CNTNAP2: variants seen among roughly 807,000 people sequenced by gnomAD.
The protein encoded by CNTNAP2 is contactin associated protein 2, also known as contactin-associated protein-like 2.
A neutral mutation model predicts 155.2 loss-of-function variants in CNTNAP2; 98 were observed. The ratio of observed to expected loss-of-function variants is 0.63; its 90% CI spans 0.54 to 0.75. The LOEUF is 0.75. Among genes scored for constraint, CNTNAP2 ranks in the 30% least tolerant of loss-of-function variants. CNTNAP2 has a pLI of 0.00. For missense variants in CNTNAP2, 1,727 were observed against 1,688.1 expected, an observed-to-expected ratio of 1.02 and a Z score of -0.40; for synonymous variants, 651 against 631.2, an observed-to-expected ratio of 1.03 and a Z score of -0.47.
intron 12 of CNTNAP2, among the ~76,000 whole-genome samples, chr7:147,614,427 T>G (rs1801244299): frequency 6.6e-6 from 1 of 152,114 alleles, no homozygotes; most frequent in Non-Finnish European, 1.5e-5. Context: ...GAGATTTTGT[T>G]TTATTACATC....
At chr7:146,210,019 A>G (rs1390510624) in intron 1 of CNTNAP2, among the ~76,000 whole-genome samples, 1 of 152,120 alleles carries the variant, frequency 6.6e-6, no homozygotes, top group Non-Finnish European at 1.5e-5. Flanking sequence ...TCTCAAATAT[A>G]CCATTCCCAC....
chr7:148,180,821 C>T (rs555869859), intron 18 of CNTNAP2, among the ~76,000 whole-genome samples: 1 of 152,152 alleles, frequency 6.6e-6, no homozygotes, highest in Non-Finnish European at 1.5e-5. Flanking sequence ...GCCCCTACAC[C>T]TAGAAATCTG....
intron 17 of CNTNAP2, among the ~76,000 whole-genome samples, chr7:148,151,089 T>C (rs1263600874): frequency 6.6e-6 from 1 of 152,152 alleles, no homozygotes; most frequent in African/African-American, 2.4e-5. Context: ...TGCCAAGTGG[T>C]CAGTCTTCTC....
intron 13 of CNTNAP2, among the ~76,000 whole-genome samples, chr7:147,848,087 G>GAGGC (rs1237661337): frequency 7.9e-5 from 10 of 126,292 alleles, no homozygotes; most frequent in Non-Finnish European, 1.0e-4. Context: ...GGAGCCTACA[G>GAGGC]AGGCAGGCAG....
chr7:147,660,220 A>T (rs974474727), intron 13 of CNTNAP2, among the ~76,000 whole-genome samples: 1 of 152,220 alleles, frequency 6.6e-6, no homozygotes, highest in Non-Finnish European at 1.5e-5. Context: ...TTCAGAGAAG[A>T]CTGACTTTTT....
At chr7:147,374,067 A>G (rs570410977) in intron 9 of CNTNAP2, among the ~76,000 whole-genome samples, 1 of 152,234 alleles carries the variant, frequency 6.6e-6, no homozygotes, top group South Asian at 2.1e-4. Context: ...AATAAAACTC[A>G]TTCACAGAGA....
intron 15 of CNTNAP2, among the ~76,000 whole-genome samples, chr7:148,073,704 GA>G (rs1198857039): frequency 6.6e-6 from 1 of 151,182 alleles, no homozygotes; most frequent in African/African-American, 2.4e-5. Context: ...GTATGTATTG[GA>G]AAAAAATATG....
intron 13 of CNTNAP2, among the ~76,000 whole-genome samples, chr7:147,696,114 G>T (rs1312400474): frequency 1.3e-5 from 2 of 152,186 alleles, no homozygotes; most frequent in East Asian, 1.9e-4. Context: ...TTAGGTTTTG[G>T]TTTTTTATTC....
intron 10 of CNTNAP2, among the ~76,000 whole-genome samples, chr7:147,412,904 T>A (rs1797127911): frequency 6.6e-6 from 1 of 152,220 alleles, no homozygotes; most frequent in Non-Finnish European, 1.5e-5. Flanking sequence ...TCTAAGAATT[T>A]ATGCTTTAGT....
intron 1 of CNTNAP2, among the ~76,000 whole-genome samples, chr7:146,517,824 A>G (rs1393080691): frequency 6.6e-6 from 1 of 151,904 alleles, no homozygotes; most frequent in Non-Finnish European, 1.5e-5. Context: ...CTGAGTTAGG[A>G]TATTTTGGAG....
At chr7:146,885,927 CGGTGTGTG>C (rs1562987210) in intron 3 of CNTNAP2, among the ~76,000 whole-genome samples, 1 of 94,968 alleles carries the variant, frequency 1.1e-5, no homozygotes, top group Non-Finnish European at 2.1e-5. Flanking sequence ...ATATGTAAGT[CGGTGTGTG>C]TGTGTGTGTG....
chr7:147,150,125 A>G (rs1361335355), intron 8 of CNTNAP2, among the ~76,000 whole-genome samples: 1 of 152,200 alleles, frequency 6.6e-6, no homozygotes, highest in Non-Finnish European at 1.5e-5. Context: ...TCAGTTAGGG[A>G]TGTGAGTCTG....
At chr7:148,120,331 A>G (rs1327126737) in intron 16 of CNTNAP2, among the ~76,000 whole-genome samples, 2 of 151,536 alleles carry the variant, frequency 1.3e-5, no homozygotes, top group African/African-American at 4.9e-5. Flanking sequence ...CAATGGTGCA[A>G]TCATGGTTCA....
At chr7:146,885,449 G>A (rs1011717843) in intron 3 of CNTNAP2, among the ~76,000 whole-genome samples, 6 of 152,038 alleles carry the variant, frequency 3.9e-5, no homozygotes, top group African/African-American at 7.2e-5. Context: ...ACAGTGTTAG[G>A]AAATTTGGCA....
At chr7:147,397,546 T>C (rs1447328480) in intron 10 of CNTNAP2, among the ~76,000 whole-genome samples, 1 of 151,962 alleles carries the variant, frequency 6.6e-6, no homozygotes, top group Non-Finnish European at 1.5e-5. Context: ...TTTCTAGGCA[T>C]TATATATAAA....
At chr7:146,312,790 A>G (rs1322254586) in intron 1 of CNTNAP2, among the ~76,000 whole-genome samples, 3 of 152,186 alleles carry the variant, frequency 2.0e-5, no homozygotes, top group Non-Finnish European at 1.5e-5. Context: ...GAGTCCATAT[A>G]TAAGTGAGAT....
intron 16 of CNTNAP2, among the ~76,000 whole-genome samples, chr7:148,121,905 A>G (rs567011794): frequency 6.6e-6 from 1 of 152,290 alleles, no homozygotes; most frequent in South Asian, 2.1e-4. Flanking sequence ...CTGAGTATCT[A>G]CTATGTCCCA....
chr7:146,235,900 G>A (rs952118816), intron 1 of CNTNAP2, among the ~76,000 whole-genome samples: 11 of 151,694 alleles, frequency 7.3e-5, no homozygotes, highest in Non-Finnish European at 1.2e-4. Context: ...AACCAATTAT[G>A]GACTTATATT....
intron 17 of CNTNAP2, among the ~76,000 whole-genome samples, chr7:148,167,522 G>A (rs895776093): frequency 1.3e-5 from 2 of 152,134 alleles, no homozygotes; most frequent in African/African-American, 4.8e-5. Flanking sequence ...AGACATCGGT[G>A]CAAAGAAAGA....
Sources: allele counts gnomAD v4.1 joint callset (sites outside exome capture counted in the v4.1 genomes callset), GRCh38; gene constraint gnomAD v4.1.1; transcripts MANE v1.5; gene names NCBI Gene and HGNC (gene_info 2026-07-23, HGNC 2026-07-21).